Variants in DNASE1 observed in about 807,000 individuals in gnomAD.
DNASE1 encodes the protein deoxyribonuclease-1.
A neutral mutation model predicts 33.9 loss-of-function variants in DNASE1; 40 were observed. That is an observed-to-expected ratio of 1.18 (90% CI 0.92 to 1.54). The LOEUF (loss-of-function observed/expected upper bound fraction) is 1.54, where lower values mean the gene tolerates loss of function less well. Ranked by LOEUF, DNASE1 falls within the 40% of genes most tolerant of loss-of-function variation. DNASE1 has a pLI of 0.00. For synonymous variants in DNASE1, 216 were observed against 160.0 expected (o/e 1.35, Z -2.64); for missense variants, 518 against 372.6 (o/e 1.39, Z -3.21).
chr16:3,663,281 A>G (rs1004377448), exon 10 of DNASE1: 2 of 1,080,024 alleles, frequency 1.9e-6, no homozygotes, highest in Admixed American at 5.3e-5. Flanking sequence ...TCCAGTCACC[A>G]GGGTGCTCCC....
downstream of DNASE1, chr16:3,662,167 G>C: frequency 1.3e-6 from 2 of 1,590,386 alleles, no homozygotes; most frequent in Non-Finnish European, 8.6e-7. Flanking sequence ...GGTGATAGAG[G>C]TTCCCAATGT....
chr16:3,647,733 G>A (rs1285769090), intron 1 of DNASE1, among the ~76,000 whole-genome samples: 1 of 152,144 alleles, frequency 6.6e-6, no homozygotes, highest in African/African-American at 2.4e-5. Context: ...GCCAGGTGTT[G>A]TAGCTCACAC....
chr16:3,633,216 C>T (rs1049740705), intron 1 of DNASE1, among the ~76,000 whole-genome samples: 1 of 152,048 alleles, frequency 6.6e-6, no homozygotes, highest in Non-Finnish European at 1.5e-5. Context: ...TTTGGTCTTC[C>T]ACTCTTTTTC....
At chr16:3,652,193 G>A (rs1386573269), upstream of DNASE1, 3 of 152,390 alleles carry the variant, frequency 2.0e-5, no homozygotes, top group African/African-American at 7.2e-5. Context: ...GGCAGCATTT[G>A]GTCAAGAGCC....
At chr16:3,640,273 G>A (rs1358962590), upstream of DNASE1, among the ~76,000 whole-genome samples, 1 of 152,192 alleles carries the variant, frequency 6.6e-6, no homozygotes, top group Non-Finnish European at 1.5e-5. Context: ...AAAGACTCCA[G>A]GAGACCCTCT....
exon 10 of DNASE1, chr16:3,663,310 G>A: frequency 7.1e-7 from 1 of 1,405,698 alleles, no homozygotes; most frequent in Non-Finnish European, 9.7e-7. Context: ...CTTCTCGGGG[G>A]TGGCTGAGCC....
chr16:3,644,647 A>G (rs149022779), intron 1 of DNASE1, among the ~76,000 whole-genome samples: 1 of 151,692 alleles, frequency 6.6e-6, no homozygotes, highest in East Asian at 2.0e-4. Context: ...AGGAGGGAGT[A>G]TTGCTAGCAC....
chr16:3,663,024 A>G (rs2043173623), downstream of DNASE1: 5 of 1,402,044 alleles, frequency 3.6e-6, no homozygotes, highest in South Asian at 1.2e-5. Context: ...CCCGGCTTCC[A>G]TGGGGGCCAC....
intron 1 of DNASE1, among the ~76,000 whole-genome samples, chr16:3,622,465 T>C (rs2041357202): frequency 6.6e-6 from 1 of 152,240 alleles, no homozygotes; most frequent in South Asian, 2.1e-4. Context: ...TGCATTCTTT[T>C]AGATTGTGTG....
intron 1 of DNASE1, among the ~76,000 whole-genome samples, chr16:3,619,507 T>G (rs571739417): frequency 6.6e-6 from 1 of 151,350 alleles, no homozygotes; most frequent in Non-Finnish European, 1.5e-5. Context: ...GGCTACAGGC[T>G]CCCGCCACCA....
At chr16:3,661,981 CCTCACCTGGGGTTGATCTCCAGCGTGGG>C, downstream of DNASE1, 1 of 1,597,364 alleles carries the variant, frequency 6.3e-7, no homozygotes. Context: ...AGGAGCGTGG[CCTCACCTGGGGTTGATCTCCAGCGTGGG>C]CTGCAGGAGC....
upstream of DNASE1, among the ~76,000 whole-genome samples, chr16:3,642,706 C>T (rs114018265): frequency 3.8e-3 from 572 of 152,316 alleles, 3 homozygotes; most frequent in African/African-American, 0.013. Flanking sequence ...GTCTTCTGTC[C>T]TAGAGGATGC....
At chr16:3,658,145 G>A (rs754659415), downstream of DNASE1, 15 of 1,613,934 alleles carry the variant, frequency 9.3e-6, no homozygotes, top group South Asian at 1.4e-4. Context: ...TCGCTCCAGG[G>A]CCTTGACAAG....
upstream of DNASE1, chr16:3,652,235 C>T (rs3810816): frequency 0.052 from 7,993 of 152,410 alleles, 239 homozygotes; most frequent in Admixed American, 0.067. Flanking sequence ...GGGGAACCCT[C>T]GTCCCACGTG....
Position 3,663,874 on chromosome 16 carries a change from C to A in DNASE1, c.*5921C>A, listed in dbSNP as rs536942957. 6 of 378,918 alleles carry A rather than the reference C, an allele frequency of 1.6e-5. No individual in the cohort carries two copies. The East Asian group carries it at 2.6e-4, about 16-fold the overall frequency. The allele number at this position is 378,918 out of a possible 1,614,324, so 23.5% of individuals were successfully genotyped here. A position where few individuals can be genotyped will look rare whatever the true frequency, so the allele number is the denominator to read the frequency against. On this transcript the variant is annotated 3_prime_UTR_variant, in exon 10 of 10. Coordinates refer to the DNASE1 transcript ENST00000407479. The stretch of plus-strand genomic sequence containing the variant: ...AGATCATGAGGTCAGGAGTTCGAGA[C>A]CAACATGGTGAAATGCCGTCTCTAT...
At chr16:3,651,829 G>T (rs1250658827), upstream of DNASE1, 1 of 152,342 alleles carries the variant, frequency 6.6e-6, no homozygotes, top group Admixed American at 6.5e-5. Context: ...AGCATTGACT[G>T]ACACAGACAG....
At chr16:3,640,644 TGAA>T (rs2042003756), upstream of DNASE1, 1 of 397,952 alleles carries the variant, frequency 2.5e-6, no homozygotes, top group African/African-American at 2.1e-5. Flanking sequence ...AGGAGTTTGC[TGAA>T]GTTTCAGAAT....
chr16:3,646,865 G>GT (rs1392329442), intron 1 of DNASE1, among the ~76,000 whole-genome samples: 20 of 152,028 alleles, frequency 1.3e-4, no homozygotes, highest in African/African-American at 4.8e-4. Context: ...AGGGGGAGCG[G>GT]GGCCTAGGAT....
intron 1 of DNASE1, among the ~76,000 whole-genome samples, chr16:3,614,162 T>G (rs762642780): frequency 6.6e-6 from 1 of 152,082 alleles, no homozygotes. Context: ...TCTGCCCGCC[T>G]TGGCCTCCCA....
Sources: gnomAD v4.1 joint callset for allele counts (sites outside exome capture counted in the v4.1 genomes callset) on GRCh38, gnomAD v4.1.1 for gene constraint, MANE v1.5 for transcripts, NCBI Gene and HGNC (gene_info 2026-07-23, HGNC 2026-07-21) for gene names.